EID1: variants seen among roughly 807,000 people sequenced by gnomAD.
The protein encoded by EID1 is EP300-interacting inhibitor of differentiation 1.
A neutral mutation model predicts 13.7 loss-of-function variants in EID1; 3 were observed. That is an observed-to-expected ratio of 0.22 (90% confidence interval 0.10 to 0.57). EID1 has a LOEUF of 0.57. EID1 is among the 20% of genes least tolerant of loss of function. The probability of loss-of-function intolerance (pLI) is 0.92; values close to 1 mark genes in which losing one functional copy is unlikely to be tolerated. For missense variants in EID1, 261 were observed against 247.6 expected, an observed-to-expected ratio of 1.05 and a Z score of -0.36; for synonymous variants, 105 against 97.6, an observed-to-expected ratio of 1.08 and a Z score of -0.44.
In EID1 at chr15:48,878,569, C is replaced by T; in HGVS notation, c.393C>T (p.Ala131=). Residue 131 remains alanine, a synonymous_variant, in exon 1 of 1, where the codon GCC becomes GCT. Coordinates refer to ENST00000530028, the MANE Select transcript of EID1 (RefSeq NM_014335.3). ...GYRVSAALEE[A]DKMFLRTREP... is the part of the protein sequence containing the mutation. ...GAGTATCAGCCGCTCTTGAAGAAGC[C>T]GACAAGATGTTTCTGAGAACAAGAG... The T allele has an allele frequency of 1.2e-6, 2 of 1,614,056 alleles. No homozygotes were observed. The highest frequency in any genetic ancestry group is 1.7e-6 in the Non-Finnish European group (2 of 1,179,912).
rs954067190 is a variant in EID1, at chr15:48,879,805, A to G, written c.*1065A>G. On this transcript the variant is annotated 3_prime_UTR_variant, in exon 1 of 1. Coordinates refer to ENST00000530028, the MANE Select transcript of EID1 (RefSeq NM_014335.3). ...GATAATAAAATTTCTTGTTCTGTGT[A>G]TTTTGTTTGGCTAATAGTATTGCAT... 6.0e-6 allele frequency: 1 copy of G among 167,010 alleles called. No individual in the cohort carries two copies. The highest frequency in any genetic ancestry group is 6.5e-5 in the Admixed American group (1 of 15,282). 10.3% of individuals were successfully genotyped at this position (167,010 alleles called of 1,614,324 possible).
Position 48,878,813 on chromosome 15 carries a change from C to A in EID1, c.*73C>A. 1 of 1,423,502 alleles carries A rather than the reference C, an allele frequency of 7.0e-7. No homozygotes were observed. The highest frequency in any genetic ancestry group is 9.5e-7 in the Non-Finnish European group (1 of 1,056,042). 88.2% of individuals were successfully genotyped at this position (1,423,502 alleles called of 1,614,324 possible). Reference sequence around the variant, plus strand: ...TTTCCGCTATCTTTTGGGTTCATTCCAAATAGTTTTGTGCCATTGAAAAAC... The same window carrying A: ...TTTCCGCTATCTTTTGGGTTCATTCAAAATAGTTTTGTGCCATTGAAAAAC... On this transcript the variant is annotated 3_prime_UTR_variant, in exon 1 of 1. Transcript: ENST00000530028.
At position 48,878,752 on chromosome 15, in the gene EID1, T is replaced by C. The variant is rs1457827962; in HGVS notation, c.*12T>C. On this transcript the variant is annotated 3_prime_UTR_variant, in exon 1 of 1. Transcript: ENST00000530028. ...TTGATAGAGAGTAGTTAGATGCTGTTAAAAGAGGAGGAAACTACTTGAGGA... is the reference window on the plus strand; with the variant it reads ...TTGATAGAGAGTAGTTAGATGCTGTCAAAAGAGGAGGAAACTACTTGAGGA... 1 of 1,598,862 alleles carries C rather than the reference T, an allele frequency of 6.3e-7. No homozygotes were observed. The highest frequency in any genetic ancestry group is 2.2e-5 in the East Asian group (1 of 44,504).
Position 48,878,456 on chromosome 15 carries a change from G to C in EID1, c.280G>C (p.Glu94Gln), listed in dbSNP as rs750687807. 6.2e-6 allele frequency: 10 copies of C among 1,613,538 alleles called. No homozygotes were observed. The highest frequency in any genetic ancestry group is 2.7e-5 in the African/African-American group (2 of 75,054). ...AGGCCAGGTGGCGGGCGCAGACTTC[G>C]AGAGCGAGGACGAGGGCGAGGAATT... Reference protein sequence around the residue: ...QPGQVAGADFESEDEGEEFDD... With the variant: ...QPGQVAGADFQSEDEGEEFDD... Residue 94 changes from glutamate (E) to glutamine (Q), a missense_variant, in exon 1 of 1, where the codon GAG becomes CAG. This residue lies in a region of EID1 where 244 missense variants were observed against 210.8 expected (regional missense o/e 1.16). Coordinates refer to ENST00000530028, the MANE Select transcript of EID1 (RefSeq NM_014335.3).
In EID1 at chr15:48,879,448, T is replaced by C. The variant is rs147246392; in HGVS notation, c.*708T>C. ...TTTTTAAAAGTCAAAAATTAAGACA[T>C]CCTTAATTAAAAAGTTTCAAATCTA... On this transcript the variant is annotated 3_prime_UTR_variant, in exon 1 of 1. Coordinates refer to ENST00000530028, the MANE Select transcript of EID1 (RefSeq NM_014335.3). 2.9e-4 allele frequency: 49 copies of C among 167,184 alleles called. No homozygotes were observed. The highest frequency in any genetic ancestry group is 1.2e-3 in the African/African-American group (49 of 41,564). 10.4% of individuals were successfully genotyped at this position (167,184 alleles called of 1,614,324 possible).
Position 48,878,160 on chromosome 15 carries a change from G to A in EID1, c.-17G>A, listed in dbSNP as rs769521487. ...TCTTGCTGGAAGCTTTTTCCTAGAG[G>A]TTGAGCGGTTTGCACAATGTCGGAA... On this transcript the variant is annotated 5_prime_UTR_variant, in exon 1 of 1. Coordinates refer to ENST00000530028, the MANE Select transcript of EID1 (RefSeq NM_014335.3). 3 of 1,529,384 alleles carry A rather than the reference G, an allele frequency of 2.0e-6. No individual in the cohort carries two copies. In the Admixed American group the frequency reaches 6.3e-5, roughly 32 times the overall value. 94.7% of individuals were successfully genotyped at this position (1,529,384 alleles called of 1,614,324 possible). A position where few individuals can be genotyped will look rare whatever the true frequency, so the allele number is the denominator to read the frequency against.
At position 48,878,991 on chromosome 15, in the gene EID1, T is replaced by C. The variant is rs963070452; in HGVS notation, c.*251T>C. Reference sequence around the variant, plus strand: ...AAGAACGTCCTAAAACACCTATGGCTTTGACTTTGTTATTGATCCAGATTA... The same window carrying C: ...AAGAACGTCCTAAAACACCTATGGCCTTGACTTTGTTATTGATCCAGATTA... On this transcript the variant is annotated 3_prime_UTR_variant, in exon 1 of 1. Transcript: ENST00000530028. 10 of 388,184 alleles carry C rather than the reference T, an allele frequency of 2.6e-5. No individual in the cohort carries two copies. The highest frequency in any genetic ancestry group is 2.0e-4 in the African/African-American group (10 of 48,992). The allele number at this position is 388,184 out of a possible 1,614,324, so 24.0% of individuals were successfully genotyped here. A position where few individuals can be genotyped will look rare whatever the true frequency, so the allele number is the denominator to read the frequency against.
chr15:48,879,131 A>T lies in EID1; in HGVS notation c.*391A>T. 1 of 180,374 alleles carries T rather than the reference A, an allele frequency of 5.5e-6. No individual in the cohort carries two copies. The highest frequency in any genetic ancestry group is 1.3e-5 in the Non-Finnish European group (1 of 75,396). 11.2% of individuals were successfully genotyped at this position (180,374 alleles called of 1,614,324 possible). On this transcript the variant is annotated 3_prime_UTR_variant, in exon 1 of 1. Transcript: ENST00000530028. Reference sequence around the variant, plus strand: ...ATACAAAAGCCCACTGATACTAATTATATAATGAGAAAAAAATGTATCCAA... The same window carrying T: ...ATACAAAAGCCCACTGATACTAATTTTATAATGAGAAAAAAATGTATCCAA...
Position 48,878,150 on chromosome 15 carries a change from T to C in EID1, c.-27T>C. 1 of 1,519,590 alleles carries C rather than the reference T, an allele frequency of 6.6e-7. No individual in the cohort carries two copies. Among genetic ancestry groups the C allele is most frequent in the Non-Finnish European group, 8.8e-7 (1 of 1,132,146 alleles). The allele number at this position is 1,519,590 out of a possible 1,614,324, so 94.1% of individuals were successfully genotyped here. ...GCAGCATCTGTCTTGCTGGAAGCTTTTTCCTAGAGGTTGAGCGGTTTGCAC... is the reference window on the plus strand; with the variant it reads ...GCAGCATCTGTCTTGCTGGAAGCTTCTTCCTAGAGGTTGAGCGGTTTGCAC... On this transcript the variant is annotated 5_prime_UTR_variant, in exon 1 of 1. Transcript: ENST00000530028.
rs1417596370 is a variant in EID1 at position 48,878,361 on chromosome 15, A to AGGC, written c.186_188dup (p.Ala63dup). 4.3e-6 allele frequency: 7 copies of AGGC among 1,613,072 alleles called. No individual in the cohort carries two copies. The highest frequency in any genetic ancestry group is 1.7e-5 in the Admixed American group (1 of 59,836). ...GAGGAAGGCCCAATGGAGGAGGAGGAGGCCCAGCCAATGGCGGCGCCAGAG... is the reference window on the plus strand; with the variant it reads ...GAGGAAGGCCCAATGGAGGAGGAGGAGGCGGCCCAGCCAATGGCGGCGCCAGAG... On this transcript the variant is annotated inframe_insertion, in exon 1 of 1. Transcript: ENST00000530028.
rs1368608162 is a variant in EID1 at position 48,878,554 on chromosome 15, C to T, written c.378C>T (p.Ala126=). The T allele has an allele frequency of 1.9e-6, 3 of 1,614,050 alleles. No individual in the cohort carries two copies. The highest frequency in any genetic ancestry group is 3.3e-5 in the Admixed American group (2 of 60,038). Residue 126 remains alanine, a synonymous_variant, in exon 1 of 1, where the codon GCC becomes GCT. Coordinates refer to ENST00000530028, the MANE Select transcript of EID1 (RefSeq NM_014335.3). The stretch of plus-strand genomic sequence containing the variant: ...GTGGTGCCGGCTACAGAGTATCAGC[C>T]GCTCTTGAAGAAGCCGACAAGATGT... ...QLSGAGYRVS[A]ALEEADKMFL...
Position 48,878,573 on chromosome 15 carries a change from A to G in EID1, c.397A>G (p.Lys133Glu). 6.2e-7 allele frequency: 1 copy of G among 1,614,058 alleles called. No individual in the cohort carries two copies. Among genetic ancestry groups the G allele is most frequent in the South Asian group, 1.1e-5 (1 of 91,090 alleles). Residue 133 changes from lysine (K) to glutamate (E), a missense_variant, in exon 1 of 1, where the codon AAG (lysine) becomes GAG (glutamate). By Grantham distance (56) the Lys-to-Glu change is moderately conservative. Around this residue, in one of 2 missense-constraint regions of EID1, gnomAD observed 244 missense variants for 210.8 expected, o/e 1.16. Coordinates refer to ENST00000530028, the MANE Select transcript of EID1 (RefSeq NM_014335.3). ...RVSAALEEAD[K>E]MFLRTREPAL... Reference sequence around the variant, plus strand: ...ATCAGCCGCTCTTGAAGAAGCCGACAAGATGTTTCTGAGAACAAGAGAACC... The same window carrying G: ...ATCAGCCGCTCTTGAAGAAGCCGACGAGATGTTTCTGAGAACAAGAGAACC...
rs1335366716 is a variant in EID1, at chr15:48,878,819, G to C, written c.*79G>C. ...CTATCTTTTGGGTTCATTCCAAATA[G>C]TTTTGTGCCATTGAAAAACTTGACC... is the stretch of plus-strand genomic sequence containing the variant. On this transcript the variant is annotated 3_prime_UTR_variant, in exon 1 of 1. Transcript: ENST00000530028. 14 of 1,388,476 alleles carry C rather than the reference G, an allele frequency of 1.0e-5. No homozygotes were observed. Among genetic ancestry groups the C allele is most frequent in the Non-Finnish European group, 1.4e-5 (14 of 1,031,214 alleles). The allele number at this position is 1,388,476 out of a possible 1,614,324, so 86.0% of individuals were successfully genotyped here.
Position 48,878,827 on chromosome 15 carries a change from C to T in EID1, c.*87C>T. ...TGGGTTCATTCCAAATAGTTTTGTGCCATTGAAAAACTTGACCTTCAAAAA... is the reference window on the plus strand; with the variant it reads ...TGGGTTCATTCCAAATAGTTTTGTGTCATTGAAAAACTTGACCTTCAAAAA... On this transcript the variant is annotated 3_prime_UTR_variant, in exon 1 of 1. Coordinates refer to ENST00000530028, the MANE Select transcript of EID1 (RefSeq NM_014335.3). 4.5e-6 allele frequency: 6 copies of T among 1,343,272 alleles called. No homozygotes were observed. Among genetic ancestry groups the T allele is most frequent in the South Asian group, 3.0e-5 (2 of 66,496 alleles). 83.2% of individuals were successfully genotyped at this position (1,343,272 alleles called of 1,614,324 possible).
Position 48,878,168 on chromosome 15 carries a change from G to A in EID1, c.-9G>A, listed in dbSNP as rs773988895. 1 of 1,544,208 alleles carries A rather than the reference G, an allele frequency of 6.5e-7. No homozygotes were observed. On this transcript the variant is annotated 5_prime_UTR_variant, in exon 1 of 1. Transcript: ENST00000530028. ...GAAGCTTTTTCCTAGAGGTTGAGCG[G>A]TTTGCACAATGTCGGAAATGGCTGA...
Position 48,879,042 on chromosome 15 carries a change from T to C in EID1, c.*302T>C, listed in dbSNP as rs914025595. On this transcript the variant is annotated 3_prime_UTR_variant, in exon 1 of 1. Coordinates refer to ENST00000530028, the MANE Select transcript of EID1 (RefSeq NM_014335.3). ...TTTTCCTTGCATTGGGGAAAATATC[T>C]TTCATATTTGTTTGCTGTAAAGATG... is the stretch of plus-strand genomic sequence containing the variant. 1 of 279,176 alleles carries C rather than the reference T, an allele frequency of 3.6e-6. No homozygotes were observed. Among genetic ancestry groups the C allele is most frequent in the Non-Finnish European group, 7.2e-6 (1 of 137,952 alleles). The allele number at this position is 279,176 out of a possible 1,614,324, so 17.3% of individuals were successfully genotyped here. A position where few individuals can be genotyped will look rare whatever the true frequency, so the allele number is the denominator to read the frequency against.
Position 48,878,347 on chromosome 15 carries a change from A to G in EID1, c.171A>G (p.Pro57=), listed in dbSNP as rs1899864293. The G allele has an allele frequency of 6.2e-7, 1 of 1,613,590 alleles. No individual in the cohort carries two copies. The highest frequency in any genetic ancestry group is 1.3e-5 in the African/African-American group (1 of 75,044). The change falls in exon 1 of 1, where the codon CCA becomes CCG. Residue 57 remains proline, a synonymous_variant. Coordinates refer to ENST00000530028, the MANE Select transcript of EID1 (RefSeq NM_014335.3). ...SGAQQLEEEG[P]MEEEEAQPMA... is the part of the protein sequence containing the mutation. The stretch of plus-strand genomic sequence containing the variant: ...CCCAACAGCTCGAGGAGGAAGGCCC[A>G]ATGGAGGAGGAGGAGGCCCAGCCAA...
At position 48,878,173 on chromosome 15, in the gene EID1, C is replaced by A; in HGVS notation, c.-4C>A. 6.5e-7 allele frequency: 1 copy of A among 1,548,276 alleles called. No homozygotes were observed. Among genetic ancestry groups the A allele is most frequent in the South Asian group, 1.2e-5 (1 of 82,292 alleles). On this transcript the variant is annotated 5_prime_UTR_variant, in exon 1 of 1. Transcript: ENST00000530028. ...TTTTTCCTAGAGGTTGAGCGGTTTG[C>A]ACAATGTCGGAAATGGCTGAGTTGT... is the stretch of plus-strand genomic sequence containing the variant.
rs1175637916 is a variant in EID1, at chr15:48,878,556, C to T, written c.380C>T (p.Ala127Val). 1.2e-6 allele frequency: 2 copies of T among 1,614,074 alleles called. No homozygotes were observed. The highest frequency in any genetic ancestry group is 1.7e-6 in the Non-Finnish European group (2 of 1,179,910). Residue 127 changes from alanine to valine, a missense_variant, in exon 1 of 1, where the codon GCT (alanine) becomes GTT (valine). Transcript: ENST00000530028. The part of the protein sequence containing the change: ...LSGAGYRVSA[A>V]LEEADKMFLR... ...GGTGCCGGCTACAGAGTATCAGCCG[C>T]TCTTGAAGAAGCCGACAAGATGTTT...
Sources: gnomAD v4.1 joint callset for allele counts on GRCh38, gnomAD v4.1.1 for gene constraint, gnomAD v4.1.1 regional missense constraint, MANE v1.5 for transcripts, NCBI Gene and HGNC (gene_info 2026-07-23, HGNC 2026-07-21) for gene names.